Variants in NRK observed in about 807,000 individuals in gnomAD.
NRK encodes the protein Nik related kinase.
NRK carries 67 observed loss-of-function variants against 125.2 expected under a neutral mutation model. That is an observed-to-expected ratio of 0.54 (90% CI 0.44 to 0.66). NRK has a LOEUF of 0.66. NRK is among the 30% of genes least tolerant of loss of function. The probability of loss-of-function intolerance (pLI) is 0.00; values close to 1 mark genes in which losing one functional copy is unlikely to be tolerated. For synonymous variants in NRK, 458 were observed against 429.0 expected (o/e 1.07, Z -0.84); for missense variants, 1,224 against 1,192.9 (o/e 1.03, Z -0.38).
At chrX:105,903,355 A>G (rs190083967) in intron 9 of NRK, among the ~76,000 whole-genome samples, 1 of 111,334 alleles carries the variant, frequency 9.0e-6, no homozygotes, top group East Asian at 2.8e-4. Context: ...GTCTGTCTTT[A>G]CCTGAGTGCA....
chrX:105,914,550 G>C (rs2147755464), intron 14 of NRK, among the ~76,000 whole-genome samples: 1 of 109,547 alleles, frequency 9.1e-6, no homozygotes, highest in Non-Finnish European at 1.9e-5. Context: ...TTTTATTTTT[G>C]GCCGTTACCT....
chrX:105,840,294 C>T (rs754478575), intron 2 of NRK, among the ~76,000 whole-genome samples: 2 of 111,747 alleles, frequency 1.8e-5, no homozygotes, highest in African/African-American at 6.5e-5. Context: ...TTATTTTTCA[C>T]AACTACTCTA....
In NRK at chrX:105,943,991, C is replaced by T; in HGVS notation, c.4009C>T (p.His1337Tyr). 1 of 1,175,132 alleles carries T rather than the reference C, an allele frequency of 8.5e-7. No individual in the cohort carries two copies. The change falls in exon 24 of 29, where the codon CAC becomes TAC. Residue 1337 changes from histidine to tyrosine, a missense_variant. Transcript: ENST00000243300. ...YIAIALKSSI[H>Y]LYAWAPKSFD... ...TGCAATTGCTTTGAAATCATCAATT[C>T]ACCTTTATGCATGGGCACCAAAGTC...
intron 23 of NRK, among the ~76,000 whole-genome samples, chrX:105,943,453 G>GTT (rs1318420042): frequency 2.7e-5 from 3 of 111,918 alleles, no homozygotes; most frequent in Non-Finnish European, 3.8e-5. Flanking sequence ...AAATTGGAAA[G>GTT]TGTGAGTTCT....
At chrX:105,831,910 AACT>A (rs2039198230) in intron 2 of NRK, among the ~76,000 whole-genome samples, 1 of 112,170 alleles carries the variant, frequency 8.9e-6, no homozygotes, top group African/African-American at 3.2e-5. Context: ...AAAGTGTAAC[AACT>A]ATTTATATAG....
chrX:105,946,350 T>G lies in NRK; in HGVS notation c.4239T>G (p.Val1413=), dbSNP rs370797406. ...FPTLDHKPVT[V]DLAIGSEKRL... ...CACTTGATCATAAGCCAGTGACAGTTGACCTGGCTATTGGTTCTGAAAAAA... is the reference window on the plus strand; with the variant it reads ...CACTTGATCATAAGCCAGTGACAGTGGACCTGGCTATTGGTTCTGAAAAAA... Residue 1413 remains valine (V), a synonymous_variant, in exon 26 of 29, where the codon GTT becomes GTG. Transcript: ENST00000243300. 3 of 1,199,665 alleles carry G rather than the reference T, an allele frequency of 2.5e-6. No individual in the cohort carries two copies. Among genetic ancestry groups the G allele is most frequent in the Non-Finnish European group, 3.4e-6 (3 of 884,769 alleles).
chrX:105,926,246 T>C (rs2040522642), intron 19 of NRK, among the ~76,000 whole-genome samples: 1 of 112,081 alleles, frequency 8.9e-6, no homozygotes, highest in Admixed American at 9.5e-5. Flanking sequence ...TCTAAGTCTT[T>C]TGAGAAATGT....
chrX:105,911,354 C>A (rs751136673), intron 13 of NRK, among the ~76,000 whole-genome samples: 1 of 111,440 alleles, frequency 9.0e-6, no homozygotes, highest in Non-Finnish European at 1.9e-5. Context: ...GTTAGGGGAG[C>A]AGTTGTTTTC....
chrX:105,916,946 T>C (rs2040373269), intron 15 of NRK, among the ~76,000 whole-genome samples: 1 of 111,390 alleles, frequency 9.0e-6, no homozygotes, highest in African/African-American at 3.2e-5. Flanking sequence ...TTTGGGGCCA[T>C]GGAAAAAAGT....
rs866514015 is a variant in NRK, at chrX:105,956,857, G to A, written c.*1257G>A. On this transcript the variant is annotated 3_prime_UTR_variant, in exon 29 of 29. Coordinates refer to ENST00000243300, the MANE Select transcript of NRK (RefSeq NM_198465.4). ...CTACCTGATGAAGAGCATAATTTCT[G>A]CATATCCATCCTCAATACCATGGTA... 1 of 111,745 alleles carries A rather than the reference G, an allele frequency of 8.9e-6. No individual in the cohort carries two copies. Among genetic ancestry groups the A allele is most frequent in the South Asian group, 3.8e-4 (1 of 2,645 alleles). The allele number at this position is 111,745 out of a possible 1,213,427, so 9.2% of individuals were successfully genotyped here.
At chrX:105,879,138 C>T (rs911515836) in intron 2 of NRK, among the ~76,000 whole-genome samples, 6 of 110,527 alleles carry the variant, frequency 5.4e-5, no homozygotes, top group African/African-American at 1.3e-4. Flanking sequence ...TGTGTCTCTG[C>T]GTTCAAATCT....
At chrX:105,935,831 A>G (rs1345425437) in intron 21 of NRK, among the ~76,000 whole-genome samples, 2 of 106,338 alleles carry the variant, frequency 1.9e-5, no homozygotes, top group African/African-American at 6.8e-5. Flanking sequence ...ATATATATAT[A>G]CACAACTGGA....
At position 105,909,356 on chromosome X, in the gene NRK, A is replaced by T. The variant is rs376975687; in HGVS notation, c.1715A>T (p.Glu572Val). ...CAGGCTGCCGAGCCTGCACAGGCAGAGACTGAGGCAGAGGAACCTGAGTCA... is the reference window on the plus strand; with the variant it reads ...CAGGCTGCCGAGCCTGCACAGGCAGTGACTGAGGCAGAGGAACCTGAGTCA... Reference protein sequence around the residue: ...QEQAAEPAQAETEAEEPESLR... With the variant: ...QEQAAEPAQAVTEAEEPESLR... Residue 572 changes from glutamate to valine, a missense_variant, in exon 13 of 29, where the codon GAG becomes GTG. Coordinates refer to ENST00000243300, the MANE Select transcript of NRK (RefSeq NM_198465.4). 3.2e-5 allele frequency: 39 copies of T among 1,203,815 alleles called. No homozygotes were observed. Among genetic ancestry groups the T allele is most frequent in the Non-Finnish European group, 3.8e-5 (34 of 891,104 alleles).
Position 105,924,960 on chromosome X carries a change from G to T in NRK, c.3241G>T (p.Glu1081Ter). Residue 1081 changes from glutamate (E) to a stop codon, truncating the protein, a stop_gained, in exon 19 of 29, where the codon GAA becomes TAA. Transcript: ENST00000243300. LOFTEE classifies it high-confidence loss of function. ...ESGALGLNGE[E>*]NCSETDGPGL... ...TGGAGCCCTTGGACTCAATGGAGAA[G>T]AAAATTGCTCAGAGACAGATGGTCC... is the stretch of plus-strand genomic sequence containing the variant. 2 of 1,211,362 alleles carry T rather than the reference G, an allele frequency of 1.7e-6. No homozygotes were observed. The highest frequency in any genetic ancestry group is 2.2e-6 in the Non-Finnish European group (2 of 895,048).
chrX:105,947,284 A>C lies in NRK; in HGVS notation c.4353+820A>C, dbSNP rs978163333. ...CGGTGAAACCCCGTCTCTACTAAAA[A>C]TACAAAAAATTAGCCGGGCGTAGTG... On this transcript the variant is annotated intron_variant, in intron 26 of 28. Transcript: ENST00000243300. Among the ~76,000 whole-genome samples the C allele has an allele frequency of 4.7e-5, 3 of 63,365 alleles. 1 individual carries two copies. The highest frequency in any genetic ancestry group is 8.0e-5 in the Non-Finnish European group (3 of 37,356). 55.0% of individuals were successfully genotyped at this position (63,365 alleles called of 115,157 possible).
intron 22 of NRK, among the ~76,000 whole-genome samples, chrX:105,939,366 G>A (rs2040706693): frequency 9.0e-6 from 1 of 111,632 alleles, no homozygotes. Flanking sequence ...GATAAATTTA[G>A]TTGGAGGAAA....
chrX:105,921,598 T>C (rs1469574216), intron 16 of NRK, among the ~76,000 whole-genome samples: 1 of 109,895 alleles, frequency 9.1e-6, no homozygotes, highest in Non-Finnish European at 1.9e-5. Flanking sequence ...GTGAGGCCAG[T>C]GGTACTCCCA....
In NRK at chrX:105,824,617, CAAA is replaced by C. The variant is rs59276814; in HGVS notation, c.57+1730_57+1732del. On this transcript the variant is annotated intron_variant, in intron 1 of 28. Coordinates refer to ENST00000243300, the MANE Select transcript of NRK (RefSeq NM_198465.4). ...AAAAGAAGAAAAGGTTTTACTGCCA[CAAA>C]AAAAAAAAAAAAAATGTGGGGAAAT... Among the ~76,000 whole-genome samples the C allele has an allele frequency of 6.3e-3, 474 of 75,428 alleles. 6 individuals carry two copies. Among genetic ancestry groups the C allele is most frequent in the African/African-American group, 0.018 (407 of 23,176 alleles). The allele number at this position is 75,428 out of a possible 115,157, so 65.5% of individuals were successfully genotyped here.
At chrX:105,907,638 C>G (rs1368820572) in intron 11 of NRK, 1 of 111,831 alleles carries the variant, frequency 8.9e-6, no homozygotes, top group Non-Finnish European at 1.9e-5. Context: ...AAAATGTTAC[C>G]TGTAGGAAAA....
Sources: gnomAD v4.1 joint callset for allele counts (sites outside exome capture counted in the v4.1 genomes callset) on GRCh38, gnomAD v4.1.1 for gene constraint, MANE v1.5 for transcripts, NCBI Gene and HGNC (gene_info 2026-07-23, HGNC 2026-07-21) for gene names.